NDE1: variants seen among roughly 807,000 people sequenced by gnomAD.
NDE1 encodes nuclear distribution protein nudE homolog 1.
In NDE1, 28 loss-of-function variants were observed where a neutral mutation model predicts 43.4. The observed-to-expected ratio is 0.65, with a 90% CI of 0.48 to 0.89. The LOEUF is 0.89. Ranked by LOEUF, NDE1 falls within the 40% of genes least tolerant of loss-of-function variation. The pLI is 0.00. For synonymous variants in NDE1, 184 were observed against 172.0 expected, an observed-to-expected ratio of 1.07 and a Z score of -0.55; for missense variants, 441 against 434.1, an observed-to-expected ratio of 1.02 and a Z score of -0.14.
At chr16:15,678,246 G>A (rs952250544) in intron 4 of NDE1, among the ~76,000 whole-genome samples, 5 of 152,290 alleles carry the variant, frequency 3.3e-5, no homozygotes, top group African/African-American at 1.2e-4. Flanking sequence ...ATGCTATTTA[G>A]GCTAAGACCA....
chr16:15,715,932 C>T (rs1213495343), intron 8 of NDE1, among the ~76,000 whole-genome samples: 1 of 152,082 alleles, frequency 6.6e-6, no homozygotes, highest in Non-Finnish European at 1.5e-5. Flanking sequence ...TCGAGACCAG[C>T]CTGGCCAACA....
At chr16:15,715,287 G>A in intron 8 of NDE1, 5 of 1,613,742 alleles carry the variant, frequency 3.1e-6, no homozygotes, top group Non-Finnish European at 4.2e-6. Flanking sequence ...AAACAGCAAG[G>A]AAAACAGGTG....
At chr16:15,658,219 T>C (rs2036866975) in intron 1 of NDE1, among the ~76,000 whole-genome samples, 1 of 152,190 alleles carries the variant, frequency 6.6e-6, no homozygotes, top group Non-Finnish European at 1.5e-5. Context: ...AGGCTTACCT[T>C]ACCAACCCTA....
chr16:15,691,437 C>A, intron 6 of NDE1, 114 bp downstream of exon 6: 1 of 1,239,478 alleles, frequency 8.1e-7, no homozygotes, highest in Non-Finnish European at 1.2e-6. Flanking sequence ...GCCTGATTTG[C>A]TCTCAGGCTT....
intron 3 of NDE1, among the ~76,000 whole-genome samples, chr16:15,668,617 A>G (rs1368217351): frequency 6.6e-6 from 1 of 152,192 alleles, no homozygotes; most frequent in Non-Finnish European, 1.5e-5. Context: ...ATCAGGTCCA[A>G]TATTGTAGCC....
At chr16:15,671,896 C>T (rs1183975906) in intron 3 of NDE1, among the ~76,000 whole-genome samples, 1 of 151,858 alleles carries the variant, frequency 6.6e-6, no homozygotes, top group Non-Finnish European at 1.5e-5. Context: ...TTCATGTGCC[C>T]ATGCTAGTCT....
chr16:15,714,886 CT>C, intron 8 of NDE1: 4 of 1,612,600 alleles, frequency 2.5e-6, no homozygotes, highest in Non-Finnish European at 3.4e-6. Flanking sequence ...AGACGGGGTC[CT>C]CCCGGGCCAC....
At chr16:15,718,285 G>A (rs778120108) in intron 8 of NDE1, 1 of 1,606,540 alleles carries the variant, frequency 6.2e-7, no homozygotes, top group South Asian at 1.1e-5. Context: ...ACAGTAGGCA[G>A]CGTGACTGTG....
At chr16:15,687,127 T>C in intron 4 of NDE1, 29 of 1,381,008 alleles carry the variant, frequency 2.1e-5, no homozygotes, top group Non-Finnish European at 2.6e-5. Context: ...GAGTGCTGTG[T>C]GGGCAGCATC....
In NDE1 at chr16:15,691,305, C is replaced by A. The variant is rs770270528; in HGVS notation, c.685C>A (p.Pro229Thr). 1.9e-6 allele frequency: 3 copies of A among 1,614,104 alleles called. No homozygotes were observed. The highest frequency in any genetic ancestry group is 2.5e-6 in the Non-Finnish European group (3 of 1,180,022). The part of the protein sequence containing the change: ...HRGPSSSLNT[P>T]GSFRRGLDDS... ...AGGACCCAGCTCAAGTTTAAACACA[C>A]CTGGGAGCTTCAGACGTGGTAAGGG... The change falls in exon 6 of 9, where the codon CCT becomes ACT. Residue 229 changes from proline (P) to threonine (T), a missense_variant. Coordinates refer to ENST00000396354, the MANE Select transcript of NDE1 (RefSeq NM_017668.3).
chr16:15,675,682 C>T (rs1442304987), intron 3 of NDE1, among the ~76,000 whole-genome samples: 3 of 152,020 alleles, frequency 2.0e-5, no homozygotes, highest in African/African-American at 7.2e-5. Context: ...GCCTCTGCCA[C>T]CTGAAAGTGC....
chr16:15,712,809 T>TGGCCATA (rs74275915), intron 8 of NDE1: 1 of 150,194 alleles, frequency 6.7e-6, no homozygotes, highest in Non-Finnish European at 1.5e-5. Context: ...CTCTGGCCAT[T>TGGCCATA]AGTGTCACCC....
Position 15,685,362 on chromosome 16 carries a change from C to G in NDE1, c.387-2013C>G, listed in dbSNP as rs189489700. On this transcript the variant is annotated intron_variant, in intron 4 of 8. Transcript: ENST00000396354. ...CTTGAATTCCTGGGCTCAAGCAGTC[C>G]TCCTACCTCAGCCTCCGAGTAGCTG... is the stretch of plus-strand genomic sequence containing the variant. Among the ~76,000 whole-genome samples the G allele has an allele frequency of 2.0e-3, 311 of 152,158 alleles. 3 individuals are homozygous for G. The highest frequency in any genetic ancestry group is 7.2e-3 in the African/African-American group (299 of 41,504).
In NDE1 at chr16:15,724,752, C is replaced by G. The variant is rs778284314; in HGVS notation, c.*501C>G. The G allele has an allele frequency of 1.5e-5, 24 of 1,614,180 alleles. No individual in the cohort carries two copies. Among genetic ancestry groups the G allele is most frequent in the Non-Finnish European group, 2.0e-5 (24 of 1,180,034 alleles). On this transcript the variant is annotated 3_prime_UTR_variant, in exon 9 of 9. Coordinates refer to ENST00000396354, the MANE Select transcript of NDE1 (RefSeq NM_017668.3). Reference sequence around the variant, plus strand: ...TCCGCTCCTCCTCCAGCTGGCGCAGCTTCGTAGACACGTTGAGCTTCTGCC... The same window carrying G: ...TCCGCTCCTCCTCCAGCTGGCGCAGGTTCGTAGACACGTTGAGCTTCTGCC...
intron 3 of NDE1, among the ~76,000 whole-genome samples, chr16:15,670,679 AAAAG>A (rs1225702680): frequency 7.0e-6 from 1 of 142,682 alleles, no homozygotes; most frequent in African/African-American, 3.0e-5. Context: ...AAAAGAAAGA[AAAAG>A]AAAGGACTGC....
chr16:15,704,232 A>G, intron 8 of NDE1: 1 of 1,349,806 alleles, frequency 7.4e-7, no homozygotes, highest in Non-Finnish European at 1.0e-6. Context: ...TGCAATATAA[A>G]TTTTTTTTAT....
At chr16:15,674,324 AC>A (rs202085936) in intron 3 of NDE1, among the ~76,000 whole-genome samples, 1,559 of 151,666 alleles carry the variant, frequency 0.01, 35 homozygotes, top group African/African-American at 0.035. Flanking sequence ...GCTCACTGCA[AC>A]CTCCGCCTCC....
chr16:15,717,943 T>G (rs941356528), intron 8 of NDE1: 3 of 365,214 alleles, frequency 8.2e-6, no homozygotes, highest in African/African-American at 6.2e-5. Context: ...TGGTCCCTAG[T>G]GCCCACCATG....
chr16:15,691,523 G>A (rs992742583), intron 6 of NDE1, among the ~76,000 whole-genome samples, 200 bp downstream of exon 6: 1 of 152,050 alleles, frequency 6.6e-6, no homozygotes, highest in Non-Finnish European at 1.5e-5. Flanking sequence ...GGCAGTAGTG[G>A]AGTCTGATGA....
Sources: allele counts gnomAD v4.1 joint callset (sites outside exome capture counted in the v4.1 genomes callset), GRCh38; gene constraint gnomAD v4.1.1; transcripts MANE v1.5; gene names NCBI Gene and HGNC (gene_info 2026-07-23, HGNC 2026-07-21).